RICTOR: variants seen among roughly 807,000 people sequenced by gnomAD.
RICTOR encodes rapamycin-insensitive companion of mTOR.
In RICTOR, 49 loss-of-function variants were observed where a neutral mutation model predicts 214.9. The ratio of observed to expected loss-of-function variants is 0.23; its 90% CI spans 0.18 to 0.29. The LOEUF (loss-of-function observed/expected upper bound fraction) is 0.29, where lower values mean the gene tolerates loss of function less well. Ranked by LOEUF, RICTOR falls within the 10% of genes least tolerant of loss-of-function variation. The pLI is 1.00. For synonymous variants in RICTOR, 717 were observed against 711.3 expected (o/e 1.01, Z -0.13); for missense variants, 1,625 against 2,047.0 (o/e 0.79, Z 3.98).
At chr5:39,027,702 TACTAAC>T (rs1423350726) in intron 2 of RICTOR, among the ~76,000 whole-genome samples, 1 of 152,182 alleles carries the variant, frequency 6.6e-6, no homozygotes, top group Non-Finnish European at 1.5e-5. Context: ...GTTAAAAAAT[TACTAAC>T]ACTTCCATCC....
chr5:39,071,775 A>T (rs1561091235), intron 2 of RICTOR, among the ~76,000 whole-genome samples: 1 of 152,226 alleles, frequency 6.6e-6, no homozygotes, highest in African/African-American at 2.4e-5. Flanking sequence ...TTATTAGGTA[A>T]CTACACAATG....
intron 2 of RICTOR, among the ~76,000 whole-genome samples, chr5:39,066,988 C>T (rs1408719390): frequency 6.6e-6 from 1 of 152,204 alleles, no homozygotes; most frequent in Non-Finnish European, 1.5e-5. Flanking sequence ...TCTGAGTCCT[C>T]CAAACTCTTC....
chr5:38,954,929 T>C (rs1319369351), intron 26 of RICTOR, 68 bp from the exon 27 acceptor site: 17 of 727,392 alleles, frequency 2.3e-5, no homozygotes, highest in Non-Finnish European at 3.7e-5. Context: ...ACAAAAGAAT[T>C]TTAATAAATG....
chr5:38,974,058 CT>C (rs977638866), intron 10 of RICTOR, among the ~76,000 whole-genome samples: 2 of 145,512 alleles, frequency 1.4e-5, no homozygotes, highest in Non-Finnish European at 1.5e-5. Context: ...AAGTTTCTTT[CT>C]TTTTTTTTGA....
chr5:39,067,697 C>A (rs571813472), intron 2 of RICTOR, among the ~76,000 whole-genome samples: 10 of 152,184 alleles, frequency 6.6e-5, no homozygotes, highest in Non-Finnish European at 1.5e-4. Context: ...TTTGCTGCCA[C>A]CTTTTACACA....
intron 25 of RICTOR, among the ~76,000 whole-genome samples, chr5:38,957,034 T>C (rs1259308660): frequency 5.3e-5 from 8 of 152,134 alleles, no homozygotes; most frequent in Non-Finnish European, 1.0e-4. Flanking sequence ...GTAAAGATCA[T>C]TTTGACCATG....
chr5:38,958,717 T>C lies in RICTOR; in HGVS notation c.2293A>G (p.Thr765Ala), dbSNP rs757001049. The change falls in exon 23 of 38, where the codon ACG becomes GCG. Residue 765 changes from threonine to alanine, a missense_variant. This residue lies in a region of RICTOR where 1,214 missense variants were observed against 1,470.5 expected (regional missense o/e 0.83). Transcript: ENST00000357387. ...ATATCAAGAGCTTCAGAGGAAATCGTTTTGTTTTTATCATGTAGCTGGGTC... is the reference window on the plus strand; with the variant it reads ...ATATCAAGAGCTTCAGAGGAAATCGCTTTGTTTTTATCATGTAGCTGGGTC... ...LVTQLHDKNK[T>A]ISSEALDILD... 1.9e-6 allele frequency: 3 copies of C among 1,611,990 alleles called. No homozygotes were observed. Among genetic ancestry groups the C allele is most frequent in the Non-Finnish European group, 1.7e-6 (2 of 1,179,082 alleles).
chr5:38,985,033 G>T (rs547750195), intron 7 of RICTOR, among the ~76,000 whole-genome samples: 16 of 152,014 alleles, frequency 1.1e-4, no homozygotes, highest in Admixed American at 1.0e-3. Flanking sequence ...GGATGGTCTC[G>T]ATCTCTTGAC....
intron 3 of RICTOR, among the ~76,000 whole-genome samples, chr5:39,014,037 C>T (rs192200070): frequency 2.1e-4 from 32 of 152,140 alleles, no homozygotes; most frequent in African/African-American, 7.7e-4. Flanking sequence ...GTTAAAACTG[C>T]CTACAGTATT....
At chr5:39,028,276 G>A (rs1169949872) in intron 2 of RICTOR, among the ~76,000 whole-genome samples, 2 of 139,190 alleles carry the variant, frequency 1.4e-5, no homozygotes, top group African/African-American at 5.4e-5. Flanking sequence ...TCCGCCTCAC[G>A]GGTTCACGCC....
intron 6 of RICTOR, among the ~76,000 whole-genome samples, chr5:38,994,709 T>A (rs1195943194): frequency 8.1e-6 from 1 of 123,034 alleles, no homozygotes; most frequent in African/African-American, 3.0e-5. Flanking sequence ...ATTTTTGTTA[T>A]GCTATTATTT....
intron 31 of RICTOR, among the ~76,000 whole-genome samples, chr5:38,948,564 TA>T (rs1488035226): frequency 6.6e-6 from 1 of 152,038 alleles, no homozygotes; most frequent in Non-Finnish European, 1.5e-5. Flanking sequence ...TTTCTCTGCT[TA>T]AAAAACAACA....
At chr5:39,025,732 A>G (rs1755765849) in intron 2 of RICTOR, among the ~76,000 whole-genome samples, 1 of 152,140 alleles carries the variant, frequency 6.6e-6, no homozygotes, top group Admixed American at 6.5e-5. Context: ...CCTTTTTATA[A>G]GGGCACTAAT....
chr5:38,993,232 G>A (rs1012366034), intron 6 of RICTOR, among the ~76,000 whole-genome samples: 1 of 152,120 alleles, frequency 6.6e-6, no homozygotes, highest in Non-Finnish European at 1.5e-5. Context: ...ATGTATCAAG[G>A]GCATGAGATA....
Position 38,997,079 on chromosome 5 carries a change from G to A in RICTOR, c.393-197C>T, listed in dbSNP as rs561708671. Among the ~76,000 whole-genome samples, 3 of 152,082 alleles carry A rather than the reference G, an allele frequency of 2.0e-5. No individual in the cohort carries two copies. The South Asian group carries it at 6.2e-4, about 32-fold the overall frequency. ...AGGGATAAATATCTGTCATTTAAAA[G>A]ACCAATTTTTTCTTTTAAAACGTTA... On this transcript the variant is annotated intron_variant, in intron 5 of 37. Coordinates refer to ENST00000357387, the MANE Select transcript of RICTOR (RefSeq NM_152756.5).
At chr5:39,037,577 T>C (rs1756818251) in intron 2 of RICTOR, among the ~76,000 whole-genome samples, 2 of 151,900 alleles carry the variant, frequency 1.3e-5, no homozygotes, top group African/African-American at 4.8e-5. Context: ...CTAGCAAGAC[T>C]AATAAAGAAG....
At chr5:38,943,506 CA>C (rs1304623245) in intron 36 of RICTOR, among the ~76,000 whole-genome samples, 2 of 152,046 alleles carry the variant, frequency 1.3e-5, no homozygotes, top group Non-Finnish European at 2.9e-5. Flanking sequence ...ATACCTATAT[CA>C]CCCTTAAAAA....
intron 26 of RICTOR, 192 bp from the exon 27 acceptor site, chr5:38,955,053 C>A: frequency 2.3e-6 from 1 of 441,824 alleles, no homozygotes; most frequent in Non-Finnish European, 4.0e-6. Flanking sequence ...CCAAAATGAT[C>A]CAAAATCCAA....
chr5:39,052,760 A>G (rs981059819), intron 2 of RICTOR, among the ~76,000 whole-genome samples: 1 of 152,174 alleles, frequency 6.6e-6, no homozygotes, highest in African/African-American at 2.4e-5. Flanking sequence ...TCTCGTACCT[A>G]GAGAGCCTCC....
Sources: allele counts gnomAD v4.1 joint callset (sites outside exome capture counted in the v4.1 genomes callset), GRCh38; gene constraint gnomAD v4.1.1; regional missense constraint gnomAD v4.1.1; transcripts MANE v1.5; gene names NCBI Gene and HGNC (gene_info 2026-07-23, HGNC 2026-07-21).